The following ASB3 variants were observed in gnomAD, a reference collection of about 807,000 sequenced individuals.
The protein encoded by ASB3 is ankyrin repeat and SOCS box protein 3.
In ASB3, 41 loss-of-function variants were observed where a neutral mutation model predicts 54.5. The ratio of observed to expected loss-of-function variants is 0.75; its 90% CI spans 0.59 to 0.98. The LOEUF (loss-of-function observed/expected upper bound fraction) is 0.98. ASB3 is among the 50% of genes least tolerant of loss of function. The pLI, the probability that ASB3 is intolerant of heterozygous loss-of-function variation, is 0.00. For missense variants in ASB3, 733 were observed against 620.0 expected, an observed-to-expected ratio of 1.18 and a Z score of -1.94; for synonymous variants, 266 against 221.2, an observed-to-expected ratio of 1.20 and a Z score of -1.80.
chr2:53,736,474 G>A (rs992006767), intron 3 of ASB3, among the ~76,000 whole-genome samples: 13 of 151,172 alleles, frequency 8.6e-5, no homozygotes, highest in Non-Finnish European at 1.6e-4. Flanking sequence ...CGAGGCAGGC[G>A]GATCGCGAGG....
At chr2:53,704,469 T>C (rs1440160577) in intron 7 of ASB3, among the ~76,000 whole-genome samples, 2 of 152,162 alleles carry the variant, frequency 1.3e-5, no homozygotes, top group East Asian at 1.9e-4. Flanking sequence ...ATTTAATTAA[T>C]TTTAGTCATG....
At chr2:53,685,745 A>G (rs1475024148) in intron 9 of ASB3, among the ~76,000 whole-genome samples, 1 of 152,216 alleles carries the variant, frequency 6.6e-6, no homozygotes, top group Non-Finnish European at 1.5e-5. Context: ...CTATCCAAAA[A>G]ACATGAACCA....
intron 7 of ASB3, among the ~76,000 whole-genome samples, chr2:53,709,951 G>A (rs1422960504): frequency 1.3e-5 from 2 of 152,178 alleles, no homozygotes; most frequent in Admixed American, 6.5e-5. Flanking sequence ...GTCCTGTGGG[G>A]AGGCTTTTAT....
chr2:53,774,218 A>G, intron 1 of ASB3: 2 of 1,613,890 alleles, frequency 1.2e-6, no homozygotes, highest in Non-Finnish European at 1.7e-6. Flanking sequence ...GACTTCAGAG[A>G]AAAAGGAGGC....
Position 53,670,506 on chromosome 2 carries a change from T to C in ASB3, c.1554A>G (p.Gly518=), listed in dbSNP as rs779017167. The C allele has an allele frequency of 1.9e-6, 3 of 1,612,936 alleles. No homozygotes were observed. The highest frequency in any genetic ancestry group is 2.5e-6 in the Non-Finnish European group (3 of 1,179,794). Residue 518 remains glycine (G), a synonymous_variant, in exon 10 of 10, where the codon GGA becomes GGG. Coordinates refer to ENST00000263634, the MANE Select transcript of ASB3 (RefSeq NM_016115.5). ...EVPELAAIQD[G] ...TGTGTTAAGTAGTTTCACTGATTTA[T>C]CCATCTTGAATAGCTGCCAGTTCTG...
intron 5 of ASB3, among the ~76,000 whole-genome samples, chr2:53,717,414 T>C (rs1670459303): frequency 1.3e-5 from 2 of 152,156 alleles, no homozygotes; most frequent in South Asian, 4.1e-4. Flanking sequence ...AACCACTGCA[T>C]GATAAATAAT....
intron 9 of ASB3, among the ~76,000 whole-genome samples, chr2:53,673,059 A>T (rs986907649): frequency 6.6e-6 from 1 of 152,204 alleles, no homozygotes; most frequent in African/African-American, 2.4e-5. Context: ...TGGTAGGAAC[A>T]CTGGCATTCT....
At chr2:53,726,519 C>A (rs150217629) in intron 5 of ASB3, among the ~76,000 whole-genome samples, 2 of 151,208 alleles carry the variant, frequency 1.3e-5, no homozygotes, top group African/African-American at 4.9e-5. Flanking sequence ...CCTTGGCCTC[C>A]CAAAGTGTTG....
chr2:53,713,293 T>C (rs567412106), intron 7 of ASB3, among the ~76,000 whole-genome samples: 357 of 152,330 alleles, frequency 2.3e-3, no homozygotes, highest in Middle Eastern at 0.01. Context: ...TCAAATTAAA[T>C]AGAGATTCAT....
At chr2:53,771,993 C>A (rs377640536) in intron 1 of ASB3, 6 of 1,038,008 alleles carry the variant, frequency 5.8e-6, no homozygotes, top group South Asian at 1.6e-5. Context: ...TAAAATGTTG[C>A]GATGTTTCTG....
At chr2:53,712,378 C>T (rs1670149657) in intron 7 of ASB3, among the ~76,000 whole-genome samples, 1 of 152,088 alleles carries the variant, frequency 6.6e-6, no homozygotes, top group South Asian at 2.1e-4. Context: ...CTATTTAGTG[C>T]TCTCTACATA....
intron 5 of ASB3, among the ~76,000 whole-genome samples, chr2:53,721,594 A>G (rs1448013831): frequency 6.6e-6 from 1 of 151,966 alleles, no homozygotes; most frequent in African/African-American, 2.4e-5. Context: ...AAACAAACAA[A>G]CTTGCTCTTG....
chr2:53,671,425 T>A (rs146259667), intron 9 of ASB3, among the ~76,000 whole-genome samples: 1 of 150,200 alleles, frequency 6.7e-6, no homozygotes, highest in Non-Finnish European at 1.5e-5. Flanking sequence ...AGCCAAAAGC[T>A]AACTACCAAT....
At chr2:53,720,982 A>C (rs1014387121) in intron 5 of ASB3, among the ~76,000 whole-genome samples, 3 of 151,792 alleles carry the variant, frequency 2.0e-5, no homozygotes, top group Non-Finnish European at 2.9e-5. Flanking sequence ...AGCTGGCCAC[A>C]GGGGTGCGCG....
chr2:53,719,570 G>A (rs1002953724), intron 5 of ASB3, among the ~76,000 whole-genome samples: 4 of 151,374 alleles, frequency 2.6e-5, no homozygotes, highest in South Asian at 2.1e-4. Context: ...CTAGAAAGAC[G>A]TCAGCCCCAA....
At chr2:53,734,445 T>C (rs1458185688) in intron 3 of ASB3, among the ~76,000 whole-genome samples, 1 of 152,210 alleles carries the variant, frequency 6.6e-6, no homozygotes, top group Admixed American at 6.5e-5. Context: ...GAGTCTACAT[T>C]CAGTGATCCC....
chr2:53,671,961 C>T lies in ASB3; in HGVS notation c.1370-1271G>A, dbSNP rs79855484. Among the ~76,000 whole-genome samples, 1,350 of 152,244 alleles carry T rather than the reference C, an allele frequency of 8.9e-3. 24 individuals carry two copies. Among genetic ancestry groups the T allele is most frequent in the African/African-American group, 0.031 (1,278 of 41,526 alleles). Reference sequence around the variant, plus strand: ...CATCAAAGACAAGTACTATCAAGAGCACAGCTGATACCAGACCAGCTAGTC... The same window carrying T: ...CATCAAAGACAAGTACTATCAAGAGTACAGCTGATACCAGACCAGCTAGTC... On this transcript the variant is annotated intron_variant, in intron 9 of 9. Transcript: ENST00000263634.
At chr2:53,737,087 A>G (rs1671680234) in intron 3 of ASB3, among the ~76,000 whole-genome samples, 1 of 152,226 alleles carries the variant, frequency 6.6e-6, no homozygotes, top group Non-Finnish European at 1.5e-5. Flanking sequence ...ATATGACAGT[A>G]TAACTGGTAC....
At chr2:53,782,919 T>C (rs1674733125) in intron 1 of ASB3, among the ~76,000 whole-genome samples, 1 of 152,068 alleles carries the variant, frequency 6.6e-6, no homozygotes. Flanking sequence ...CTTGAGTAGC[T>C]GGGATTACAG....
Sources: allele counts gnomAD v4.1 joint callset (sites outside exome capture counted in the v4.1 genomes callset), GRCh38; gene constraint gnomAD v4.1.1; transcripts MANE v1.5; gene names NCBI Gene and HGNC (gene_info 2026-07-23, HGNC 2026-07-21).